Variants in TRAPPC9 observed in about 807,000 individuals in gnomAD.
TRAPPC9 encodes IKK2 binding protein.
Under a neutral mutation model 124.0 loss-of-function variants are expected in TRAPPC9, and 83 were observed. That is an observed-to-expected ratio of 0.67 (90% confidence interval 0.56 to 0.80). The LOEUF is 0.80. Ranked by LOEUF, TRAPPC9 falls within the 30% of genes least tolerant of loss-of-function variation. The pLI is 0.00. For synonymous variants in TRAPPC9, 638 were observed against 617.5 expected, an observed-to-expected ratio of 1.03 and a Z score of -0.49; for missense variants, 1,302 against 1,508.3, an observed-to-expected ratio of 0.86 and a Z score of 2.27.
At chr8:139,765,670 G>C (rs578152550) in intron 21 of TRAPPC9, among the ~76,000 whole-genome samples, 18 of 152,354 alleles carry the variant, frequency 1.2e-4, no homozygotes, top group Admixed American at 2.6e-4. Context: ...GGGATTCCCA[G>C]AAGGCTGCCA....
intron 17 of TRAPPC9, among the ~76,000 whole-genome samples, chr8:140,086,467 C>T (rs1383434271): frequency 1.3e-5 from 2 of 152,166 alleles, no homozygotes; most frequent in African/African-American, 4.8e-5. Flanking sequence ...CTCCCCATGG[C>T]TCTCAGGGGC....
chr8:139,767,674 A>G (rs1266661152), intron 21 of TRAPPC9, among the ~76,000 whole-genome samples: 1 of 152,214 alleles, frequency 6.6e-6, no homozygotes, highest in East Asian at 1.9e-4. Context: ...TGCACAGAGA[A>G]GTGGAAATAA....
chr8:139,777,840 T>C (rs1174776234), intron 21 of TRAPPC9, among the ~76,000 whole-genome samples: 1 of 152,150 alleles, frequency 6.6e-6, no homozygotes, highest in Non-Finnish European at 1.5e-5. Context: ...CCCAGCTCAT[T>C]GTGACAGCAC....
chr8:140,194,685 T>C (rs2062593556), intron 17 of TRAPPC9, among the ~76,000 whole-genome samples: 1 of 152,158 alleles, frequency 6.6e-6, no homozygotes. Flanking sequence ...CATCTTTCAA[T>C]ACCCAGCTCT....
chr8:140,248,799 T>C (rs1563880497), intron 16 of TRAPPC9, among the ~76,000 whole-genome samples: 3 of 152,344 alleles, frequency 2.0e-5, no homozygotes, highest in Middle Eastern at 6.8e-3. Flanking sequence ...GCTAGTTATA[T>C]GAAGAAGATA....
At chr8:140,345,326 C>A (rs2067312330) in intron 9 of TRAPPC9, among the ~76,000 whole-genome samples, 1 of 152,182 alleles carries the variant, frequency 6.6e-6, no homozygotes, top group African/African-American at 2.4e-5. Flanking sequence ...GCAATGACCA[C>A]AACACAAGGA....
At chr8:140,016,160 G>A (rs1010990087) in intron 18 of TRAPPC9, among the ~76,000 whole-genome samples, 10 of 151,980 alleles carry the variant, frequency 6.6e-5, no homozygotes, top group Non-Finnish European at 1.2e-4. Context: ...ATATATTTTC[G>A]TACATGAAAT....
intron 5 of TRAPPC9, among the ~76,000 whole-genome samples, chr8:140,411,395 G>A (rs558073461): frequency 1.3e-5 from 2 of 152,202 alleles, no homozygotes; most frequent in Admixed American, 6.5e-5. Flanking sequence ...AGGCTGGAGT[G>A]CAGTGGCGAA....
intron 19 of TRAPPC9, among the ~76,000 whole-genome samples, chr8:139,947,257 G>C (rs183624481): frequency 3.3e-5 from 5 of 152,136 alleles, no homozygotes; most frequent in Non-Finnish European, 7.3e-5. Flanking sequence ...ATGCGAGTGA[G>C]GGATTCCCAC....
intron 17 of TRAPPC9, among the ~76,000 whole-genome samples, chr8:140,043,750 C>G (rs1301897937): frequency 6.6e-6 from 1 of 152,214 alleles, no homozygotes; most frequent in Non-Finnish European, 1.5e-5. Context: ...CTTCCTGAAG[C>G]TGCTGGTCCA....
chr8:140,060,006 T>C (rs968854546), intron 17 of TRAPPC9, among the ~76,000 whole-genome samples: 1 of 152,234 alleles, frequency 6.6e-6, no homozygotes, highest in African/African-American at 2.4e-5. Context: ...CCAGTTATGG[T>C]TCCTATCTTC....
chr8:140,353,274 C>T lies in TRAPPC9; in HGVS notation c.1495+6776G>A, dbSNP rs61113980. 5.8e-3 allele frequency among the ~76,000 whole-genome samples: 879 copies of T among 152,328 alleles called. 9 individuals carry two copies. Among genetic ancestry groups the T allele is most frequent in the African/African-American group, 0.02 (833 of 41,572 alleles). ...GAAATGCTGTGAAATAAGGCACATCCTTAACACAGGTTCATTCACTGGCCC... is the reference window on the plus strand; with the variant it reads ...GAAATGCTGTGAAATAAGGCACATCTTTAACACAGGTTCATTCACTGGCCC... On this transcript the variant is annotated intron_variant, in intron 9 of 22. Transcript: ENST00000438773. The surrounding 1 kb of genome is among the most constrained non-coding windows in gnomAD (Gnocchi z 4.2).
chr8:140,436,515 G>A (rs938211902), intron 3 of TRAPPC9, among the ~76,000 whole-genome samples: 3 of 152,152 alleles, frequency 2.0e-5, no homozygotes, highest in African/African-American at 7.2e-5. Flanking sequence ...TCTTCTATCA[G>A]CTTCTACATT....
intron 17 of TRAPPC9, among the ~76,000 whole-genome samples, chr8:140,032,271 C>T (rs1840542879): frequency 6.6e-6 from 1 of 152,182 alleles, no homozygotes; most frequent in African/African-American, 2.4e-5. Context: ...CTTGCTCCCA[C>T]CTCTGTCACC....
intron 17 of TRAPPC9, among the ~76,000 whole-genome samples, chr8:140,114,158 G>A (rs185662328): frequency 2.0e-5 from 3 of 152,186 alleles, no homozygotes; most frequent in East Asian, 3.9e-4. Flanking sequence ...AGCGGGGACT[G>A]TTATTCCTGT....
chr8:140,195,083 G>A (rs1212421676), intron 17 of TRAPPC9, among the ~76,000 whole-genome samples: 1 of 140,152 alleles, frequency 7.1e-6, no homozygotes, highest in African/African-American at 2.7e-5. Flanking sequence ...ACACACTCAA[G>A]GATCCACCAT....
chr8:140,255,445 C>A (rs1281812763), intron 15 of TRAPPC9, among the ~76,000 whole-genome samples: 3 of 152,210 alleles, frequency 2.0e-5, no homozygotes, highest in Admixed American at 6.5e-5. Flanking sequence ...AGATGCTTTG[C>A]AAACTGATAC....
chr8:140,433,075 G>A (rs1030335769), intron 4 of TRAPPC9, among the ~76,000 whole-genome samples: 1 of 152,120 alleles, frequency 6.6e-6, no homozygotes, highest in South Asian at 2.1e-4. Flanking sequence ...GGCCGAAGCG[G>A]GTGGATCACT....
At chr8:139,968,790 C>G (rs900673461) in intron 19 of TRAPPC9, among the ~76,000 whole-genome samples, 6 of 152,184 alleles carry the variant, frequency 3.9e-5, no homozygotes, top group African/African-American at 1.4e-4. Context: ...ACATCATCCC[C>G]GTTTCACAGA....
Sources: allele counts gnomAD v4.1 joint callset (sites outside exome capture counted in the v4.1 genomes callset), GRCh38; gene constraint gnomAD v4.1.1; non-coding constraint Gnocchi (gnomAD v3.1); transcripts MANE v1.5; gene names NCBI Gene and HGNC (gene_info 2026-07-23, HGNC 2026-07-21).